Variants in SYN3 observed in about 807,000 individuals in gnomAD.
SYN3 encodes synapsin III, also known as synapsin-3.
In SYN3, 35 loss-of-function variants were observed where a neutral mutation model predicts 65.8. The ratio of observed to expected loss-of-function variants is 0.53; its 90% CI spans 0.41 to 0.70. The LOEUF is 0.70. Among genes scored for constraint, SYN3 ranks in the 30% least tolerant of loss-of-function variants. The probability of loss-of-function intolerance (pLI) is 0.00; values close to 1 mark genes in which losing one functional copy is unlikely to be tolerated. For synonymous variants in SYN3, 270 were observed against 292.9 expected (o/e 0.92, Z 0.80); for missense variants, 680 against 749.0 (o/e 0.91, Z 1.08).
chr22:32,970,600 A>G (rs545255493), intron 3 of SYN3, among the ~76,000 whole-genome samples: 2 of 152,322 alleles, frequency 1.3e-5, no homozygotes, highest in South Asian at 4.1e-4. Context: ...TTTAAAGACA[A>G]TAATGAACAT....
intron 6 of SYN3, chr22:32,857,147 C>A: frequency 1.1e-6 from 1 of 887,148 alleles, no homozygotes; most frequent in Non-Finnish European, 1.9e-6. Flanking sequence ...CTTCCATATT[C>A]CGATTTCCTT....
At chr22:32,531,221 G>C (rs1433648267) in intron 10 of SYN3, among the ~76,000 whole-genome samples, 1 of 149,640 alleles carries the variant, frequency 6.7e-6, no homozygotes. Context: ...GCTCTGCGCA[G>C]GTCGTACCTG....
intron 6 of SYN3, among the ~76,000 whole-genome samples, chr22:32,628,777 T>C (rs1180914710): frequency 2.0e-5 from 3 of 152,090 alleles, no homozygotes; most frequent in African/African-American, 7.2e-5. Flanking sequence ...CTCAAATCTT[T>C]AGTTACAAGC....
intron 6 of SYN3, among the ~76,000 whole-genome samples, chr22:32,811,107 C>G (rs2046904724): frequency 6.6e-6 from 1 of 151,894 alleles, no homozygotes; most frequent in Non-Finnish European, 1.5e-5. Context: ...TGAAAGGGCA[C>G]TGGGTTAGGA....
chr22:32,557,420 G>A (rs1027204808), intron 7 of SYN3, among the ~76,000 whole-genome samples: 4 of 152,154 alleles, frequency 2.6e-5, no homozygotes, highest in African/African-American at 9.6e-5. Flanking sequence ...AGTGGGTGTT[G>A]GCATGGGGCT....
At chr22:33,051,343 G>A (rs569748132) in intron 1 of SYN3, among the ~76,000 whole-genome samples, 98 of 152,186 alleles carry the variant, frequency 6.4e-4, no homozygotes, top group Non-Finnish European at 1.2e-3. Context: ...AGCCAGGATC[G>A]CAGTGTGTCT....
In SYN3 at chr22:32,870,789, C is replaced by T. The variant is rs926088565; in HGVS notation, c.462-1664G>A. Among the ~76,000 whole-genome samples the T allele has an allele frequency of 2.6e-5, 4 of 152,296 alleles. No homozygotes were observed. In the South Asian group the frequency reaches 6.2e-4, roughly 24 times the overall value. ...TGTCTGATTCTAGTGAAATTAAATG[C>T]TTTTTATTAACCATCTGCATTTTCT... On this transcript the variant is annotated intron_variant, in intron 4 of 13. Transcript: ENST00000358763.
chr22:32,686,194 C>T (rs2060586162), intron 6 of SYN3, among the ~76,000 whole-genome samples: 1 of 152,110 alleles, frequency 6.6e-6, no homozygotes. Context: ...ATTTGAGTTA[C>T]TCTCTTATCA....
intron 1 of SYN3, among the ~76,000 whole-genome samples, chr22:33,014,157 TCTC>T (rs1436063410): frequency 4.6e-5 from 7 of 151,828 alleles, no homozygotes; most frequent in South Asian, 2.1e-4. Context: ...CTCAAGCAAT[TCTC>T]CTGCTTAGAA....
At chr22:32,951,684 A>C (rs961751602) in intron 3 of SYN3, among the ~76,000 whole-genome samples, 1 of 152,122 alleles carries the variant, frequency 6.6e-6, no homozygotes, top group Admixed American at 6.5e-5. Context: ...TGGGACCCAT[A>C]CCCAGGCCAA....
chr22:32,690,262 CA>C (rs1370586970), intron 6 of SYN3, among the ~76,000 whole-genome samples: 1 of 152,186 alleles, frequency 6.6e-6, no homozygotes, highest in African/African-American at 2.4e-5. Flanking sequence ...AACCAATAAA[CA>C]AACCCTCACA....
At chr22:32,869,185 G>A (rs1053257044) in intron 4 of SYN3, 60 bp from the exon 5 acceptor site, 112 of 1,571,190 alleles carry the variant, frequency 7.1e-5, no homozygotes, top group South Asian at 1.8e-4. Context: ...CAGGGCATCC[G>A]GCCACAGCTT....
Position 32,507,851 on chromosome 22 carries a change from G to A in SYN3, c.*5841C>T, listed in dbSNP as rs1041915340. Among the ~76,000 whole-genome samples the A allele has an allele frequency of 6.6e-6, 1 of 151,810 alleles. No homozygotes were observed. Among genetic ancestry groups the A allele is most frequent in the Non-Finnish European group, 1.5e-5 (1 of 68,006 alleles). On this transcript the variant is annotated 3_prime_UTR_variant, in exon 14 of 14. Coordinates refer to ENST00000358763, the MANE Select transcript of SYN3 (RefSeq NM_003490.4). ...TCACCAATCATTCTACACAACAAAT[G>A]TTTCTTCTAACATCCCCACAATATC...
At chr22:33,057,502 T>TG (rs765261945) in intron 1 of SYN3, 7 of 152,424 alleles carry the variant, frequency 4.6e-5, no homozygotes, top group Non-Finnish European at 8.8e-5. Flanking sequence ...CTTTTCAGCC[T>TG]GGCAAAACCT....
Position 32,836,145 on chromosome 22 carries a change from T to C in SYN3, c.711+28770A>G, listed in dbSNP as rs75181584. On this transcript the variant is annotated intron_variant, in intron 6 of 13. Coordinates refer to ENST00000358763, the MANE Select transcript of SYN3 (RefSeq NM_003490.4). ...AGACTTGTTTTCTTCCTATACTCAG[T>C]GGAAATAAAGCTACACATTTTGGGG... is the stretch of plus-strand genomic sequence containing the variant. Among the ~76,000 whole-genome samples the C allele has an allele frequency of 3.9e-4, 60 of 152,326 alleles. No homozygotes were observed. In the East Asian group the frequency reaches 0.011, roughly 27 times the overall value.
intron 6 of SYN3, among the ~76,000 whole-genome samples, chr22:32,708,653 T>C (rs2060912707): frequency 6.6e-6 from 1 of 152,188 alleles, no homozygotes; most frequent in Non-Finnish European, 1.5e-5. Context: ...CAGAAGCAGC[T>C]TGCCTGAGGC....
chr22:32,575,106 G>A (rs868638698), intron 7 of SYN3, among the ~76,000 whole-genome samples: 2 of 152,238 alleles, frequency 1.3e-5, no homozygotes, highest in South Asian at 2.1e-4. Context: ...GCGCCATGCC[G>A]GGAGCCCGGC....
intron 6 of SYN3, among the ~76,000 whole-genome samples, chr22:32,600,161 C>G (rs760086370): frequency 6.6e-6 from 1 of 151,990 alleles, no homozygotes; most frequent in Non-Finnish European, 1.5e-5. Context: ...TAGTGGGAGC[C>G]CTGAGCTTGT....
rs893490060 is a variant in SYN3 at position 33,007,358 on chromosome 22, C to T, written c.-162-534G>A. On this transcript the variant is annotated intron_variant, in intron 1 of 13. Coordinates refer to ENST00000358763, the MANE Select transcript of SYN3 (RefSeq NM_003490.4). ...GTTAACAGTGATTATATTTTGGTAACGCAAGTACATGCCTTTTTTTCTTTT... is the reference window on the plus strand; with the variant it reads ...GTTAACAGTGATTATATTTTGGTAATGCAAGTACATGCCTTTTTTTCTTTT... Among the ~76,000 whole-genome samples the T allele has an allele frequency of 9.2e-5, 14 of 152,112 alleles. 1 individual carries two copies. Among genetic ancestry groups the T allele is most frequent in the Admixed American group, 6.5e-4 (10 of 15,272 alleles).
Sources: gnomAD v4.1 joint callset for allele counts (sites outside exome capture counted in the v4.1 genomes callset) on GRCh38, gnomAD v4.1.1 for gene constraint, MANE v1.5 for transcripts, NCBI Gene and HGNC (gene_info 2026-07-23, HGNC 2026-07-21) for gene names.